The following PCSK6 variants were observed in gnomAD, a reference collection of about 807,000 sequenced individuals.
PCSK6 encodes the protein paired basic amino acid cleaving enzyme 4.
PCSK6 carries 85 observed loss-of-function variants against 123.3 expected under a neutral mutation model. The observed-to-expected ratio is 0.69, with a 90% CI of 0.58 to 0.83. PCSK6 has a LOEUF of 0.83. PCSK6 is among the 40% of genes least tolerant of loss of function. The probability of loss-of-function intolerance (pLI) is 0.00; values close to 1 mark genes in which losing one functional copy is unlikely to be tolerated. For synonymous variants in PCSK6, 508 were observed against 516.0 expected (o/e 0.98, Z 0.21); for missense variants, 1,191 against 1,282.3 (o/e 0.93, Z 1.09).
At chr15:101,392,789 A>G (rs1255033858) in intron 8 of PCSK6, among the ~76,000 whole-genome samples, 9 of 151,448 alleles carry the variant, frequency 5.9e-5, no homozygotes. Context: ...GCCTAGAAGA[A>G]CTCCTGGATT....
chr15:101,414,405 C>A (rs2055813498), intron 6 of PCSK6, among the ~76,000 whole-genome samples: 1 of 152,096 alleles, frequency 6.6e-6, no homozygotes, highest in South Asian at 2.1e-4. Context: ...ATTAATTAGA[C>A]TTTATACTTA....
chr15:101,444,828 T>G (rs2056844401), intron 1 of PCSK6, among the ~76,000 whole-genome samples: 1 of 152,064 alleles, frequency 6.6e-6, no homozygotes, highest in Admixed American at 6.5e-5. Context: ...CTCAATAGAG[T>G]TGACTGGCCC....
At chr15:101,363,212 T>G (rs2041286798) in intron 13 of PCSK6, among the ~76,000 whole-genome samples, 1 of 152,204 alleles carries the variant, frequency 6.6e-6, no homozygotes, top group Admixed American at 6.5e-5. Flanking sequence ...CACAGTTCCA[T>G]GGGGGATTGA....
Position 101,429,995 on chromosome 15 carries a change from A to G in PCSK6, c.726T>C (p.Asn242=), listed in dbSNP as rs2056394224. 6.2e-7 allele frequency: 1 copy of G among 1,613,234 alleles called. No individual in the cohort carries two copies. The highest frequency in any genetic ancestry group is 8.5e-7 in the Non-Finnish European group (1 of 1,179,256). Residue 242 remains asparagine (N), a synonymous_variant, in exon 5 of 22, where the codon AAT becomes AAC. Coordinates refer to ENST00000611716, the MANE Select transcript of PCSK6 (RefSeq NM_002570.5). ...YDPSPRYDAS[N]ENKHGTRCAG... The stretch of plus-strand genomic sequence containing the variant: ...GAGGCGAGGTGACGTACTTATTTTC[A>G]TTGCTGGCATCATATCGTGGAGATG...
intron 1 of PCSK6, among the ~76,000 whole-genome samples, chr15:101,471,532 C>T (rs2057604184): frequency 6.6e-6 from 1 of 152,220 alleles, no homozygotes; most frequent in Admixed American, 6.5e-5. Context: ...GTCAACACAT[C>T]TTATTTTTGG....
chr15:101,408,100 A>C (rs373257272), intron 6 of PCSK6, among the ~76,000 whole-genome samples: 2 of 152,312 alleles, frequency 1.3e-5, no homozygotes. Context: ...GGGATGCAGG[A>C]CAGGACAGCA....
intron 1 of PCSK6, among the ~76,000 whole-genome samples, chr15:101,470,368 A>T (rs540171381): frequency 6.6e-6 from 1 of 152,134 alleles, no homozygotes; most frequent in Non-Finnish European, 1.5e-5. Flanking sequence ...TTTCATTATG[A>T]AATATTTTGT....
At position 101,363,188 on chromosome 15, in the gene PCSK6, G is replaced by T. The variant is rs137969759; in HGVS notation, c.1858+3008C>A. Among the ~76,000 whole-genome samples the T allele has an allele frequency of 7.2e-4, 109 of 152,354 alleles. 1 individual carries two copies. The East Asian group carries it at 0.02, about 27-fold the overall frequency. The stretch of plus-strand genomic sequence containing the variant: ...AGAATGCGTGAGATGCATGAGAAAG[G>T]CTGCCTGCAGAGGCACAGTTCCATG... On this transcript the variant is annotated intron_variant, in intron 13 of 21. Transcript: ENST00000611716.
chr15:101,475,559 C>T (rs919406631), intron 1 of PCSK6, among the ~76,000 whole-genome samples: 11 of 152,094 alleles, frequency 7.2e-5, no homozygotes, highest in African/African-American at 2.2e-4. Flanking sequence ...GGTCTTGGCT[C>T]ACTGACTCCT....
At chr15:101,341,901 G>A (rs1396346373) in intron 13 of PCSK6, among the ~76,000 whole-genome samples, 3 of 152,126 alleles carry the variant, frequency 2.0e-5, no homozygotes, top group African/African-American at 4.8e-5. Context: ...AGGCCAAGGT[G>A]TATGGGTCAC....
chr15:101,370,227 G>A (rs1037021067), intron 12 of PCSK6, 108 bp downstream of exon 12: 46 of 925,716 alleles, frequency 5.0e-5, no homozygotes, highest in Admixed American at 7.7e-5. Context: ...AGTCCCCAAC[G>A]CCAGAGGGCC....
chr15:101,460,179 C>T (rs912659453), intron 1 of PCSK6, among the ~76,000 whole-genome samples: 3 of 152,122 alleles, frequency 2.0e-5, no homozygotes, highest in South Asian at 2.1e-4. Context: ...CCCACCCCTC[C>T]GTGTCCTCCT....
At chr15:101,456,222 C>T (rs73483151) in intron 1 of PCSK6, among the ~76,000 whole-genome samples, 100 of 146,986 alleles carry the variant, frequency 6.8e-4, no homozygotes, top group African/African-American at 2.2e-3. Flanking sequence ...GATGGAAGGA[C>T]GGATGGTCCC....
chr15:101,327,283 G>A (rs1396902964), intron 15 of PCSK6, among the ~76,000 whole-genome samples: 2 of 152,136 alleles, frequency 1.3e-5, no homozygotes, highest in African/African-American at 2.4e-5. Context: ...CTGAGTAGAC[G>A]CCAGCAAACC....
At chr15:101,364,381 G>A (rs1242453980) in intron 13 of PCSK6, among the ~76,000 whole-genome samples, 1 of 152,166 alleles carries the variant, frequency 6.6e-6, no homozygotes, top group African/African-American at 2.4e-5. Context: ...AAGATGTGCT[G>A]ATTATTCCAG....
intron 7 of PCSK6, among the ~76,000 whole-genome samples, chr15:101,393,705 G>C (rs938843047): frequency 4.6e-5 from 7 of 152,254 alleles, no homozygotes; most frequent in African/African-American, 1.7e-4. Flanking sequence ...GAAAATCAAG[G>C]GTCCCAACAC....
At chr15:101,395,548 CA>C (rs1410566732) in intron 7 of PCSK6, among the ~76,000 whole-genome samples, 1 of 152,230 alleles carries the variant, frequency 6.6e-6, no homozygotes, top group African/African-American at 2.4e-5. Flanking sequence ...GGCGAGGAAA[CA>C]GCCAGGTCTG....
At chr15:101,480,246 C>T (rs952751772) in intron 1 of PCSK6, among the ~76,000 whole-genome samples, 4 of 152,226 alleles carry the variant, frequency 2.6e-5, no homozygotes, top group African/African-American at 9.6e-5. Flanking sequence ...GGCAGAAATA[C>T]AAGAGCCCCC....
chr15:101,442,591 C>G (rs1466284065), intron 2 of PCSK6, among the ~76,000 whole-genome samples: 2 of 152,088 alleles, frequency 1.3e-5, no homozygotes, highest in African/African-American at 4.8e-5. Flanking sequence ...TGGGGCAACA[C>G]CAAGAACCCA....
Sources: allele counts gnomAD v4.1 joint callset (sites outside exome capture counted in the v4.1 genomes callset), GRCh38; gene constraint gnomAD v4.1.1; transcripts MANE v1.5; gene names NCBI Gene and HGNC (gene_info 2026-07-23, HGNC 2026-07-21).